Variants in CACNA2D3 observed in about 807,000 individuals in gnomAD.
CACNA2D3 encodes the protein calcium voltage-gated channel auxiliary subunit alpha2delta 3.
A neutral mutation model predicts 160.6 loss-of-function variants in CACNA2D3; 60 were observed. That is an observed-to-expected ratio of 0.37 (90% CI 0.30 to 0.46). The LOEUF is 0.46. CACNA2D3 is among the 20% of genes least tolerant of loss of function. CACNA2D3 has a pLI of 1.00. For synonymous variants in CACNA2D3, 558 were observed against 492.9 expected (o/e 1.13, Z -1.75); for missense variants, 1,205 against 1,365.0 (o/e 0.88, Z 1.85).
Position 54,891,398 on chromosome 3 carries a change from A to T in CACNA2D3, c.2194A>T (p.Thr732Ser). Residue 732 changes from threonine (T) to serine (S), a missense_variant, in exon 25 of 38, where the codon ACG becomes TCG. By Grantham distance (58) the Thr-to-Ser change is moderately conservative (BLOSUM62 1). Coordinates refer to ENST00000474759, the MANE Select transcript of CACNA2D3 (RefSeq NM_018398.3). ...GVEVAFLGTR[T>S]GLSRINLFVG... The stretch of plus-strand genomic sequence containing the variant: ...GGAGGTTGCCTTCCTCGGCACTCGC[A>T]CGGGCCTCTCCAGAATCAACCTGTT... 4.3e-6 allele frequency: 7 copies of T among 1,613,964 alleles called. No homozygotes were observed. Among genetic ancestry groups the T allele is most frequent in the Non-Finnish European group, 5.9e-6 (7 of 1,179,886 alleles).
intron 11 of CACNA2D3, among the ~76,000 whole-genome samples, chr3:54,713,655 G>A (rs750954098): frequency 6.6e-6 from 1 of 152,168 alleles, no homozygotes; most frequent in Admixed American, 6.5e-5. Context: ...TTCACACAAC[G>A]TAAGTGCTTG....
chr3:54,243,254 T>C (rs996941282), intron 2 of CACNA2D3, among the ~76,000 whole-genome samples: 1 of 152,186 alleles, frequency 6.6e-6, no homozygotes, highest in African/African-American at 2.4e-5. Context: ...AGACCCGCGA[T>C]TGCGTGGGCT....
At chr3:54,694,105 C>T (rs534659566) in intron 11 of CACNA2D3, among the ~76,000 whole-genome samples, 11 of 152,354 alleles carry the variant, frequency 7.2e-5, no homozygotes, top group African/African-American at 2.6e-4. Flanking sequence ...TCCAGTCCTG[C>T]AAGCTCCATT....
intron 13 of CACNA2D3, among the ~76,000 whole-genome samples, chr3:54,772,890 C>G (rs187282142): frequency 1.3e-5 from 2 of 152,288 alleles, no homozygotes; most frequent in East Asian, 1.9e-4. Context: ...GAACCAGTAT[C>G]AAACCAAGGA....
chr3:54,857,864 A>G (rs2106794674), intron 17 of CACNA2D3, among the ~76,000 whole-genome samples: 2 of 152,228 alleles, frequency 1.3e-5, no homozygotes, highest in East Asian at 3.9e-4. Flanking sequence ...TATTCCTAAC[A>G]CACCAGCCTG....
chr3:54,242,053 A>G (rs1009932426), intron 2 of CACNA2D3, among the ~76,000 whole-genome samples: 4 of 152,130 alleles, frequency 2.6e-5, no homozygotes, highest in African/African-American at 9.7e-5. Flanking sequence ...GTGTTTTCCT[A>G]TACATACATA....
rs908087274 is a variant in CACNA2D3 at position 54,715,510 on chromosome 3, G to T, written c.1168-37089G>T. Among the ~76,000 whole-genome samples, 39 of 150,984 alleles carry T rather than the reference G, an allele frequency of 2.6e-4. 1 individual carries two copies. The highest frequency in any genetic ancestry group is 4.4e-5 in the Non-Finnish European group (3 of 67,702). The stretch of plus-strand genomic sequence containing the variant: ...AGCTCCCTTCCCCTCCCCAGAATAT[G>T]GGGGGGGCAGGGGGAGGTAGAGAGG... On this transcript the variant is annotated intron_variant, in intron 11 of 37. Transcript: ENST00000474759.
At chr3:54,700,242 C>G (rs1575429528) in intron 11 of CACNA2D3, among the ~76,000 whole-genome samples, 1 of 152,186 alleles carries the variant, frequency 6.6e-6, no homozygotes, top group African/African-American at 2.4e-5. Flanking sequence ...TGGGTGAGTG[C>G]TAAGTAATCA....
chr3:54,301,921 T>C (rs1378826743), intron 2 of CACNA2D3, among the ~76,000 whole-genome samples: 1 of 152,158 alleles, frequency 6.6e-6, no homozygotes, highest in African/African-American at 2.4e-5. Flanking sequence ...GTAGATCTGA[T>C]GTACATTATA....
chr3:54,334,702 G>A (rs927495837), intron 3 of CACNA2D3, among the ~76,000 whole-genome samples: 83 of 152,220 alleles, frequency 5.5e-4, no homozygotes, highest in African/African-American at 2.0e-3. Context: ...AATCACACGA[G>A]TGACCTCAAA....
intron 2 of CACNA2D3, among the ~76,000 whole-genome samples, chr3:54,148,138 A>G (rs1262700753): frequency 6.6e-6 from 1 of 152,190 alleles, no homozygotes; most frequent in East Asian, 1.9e-4. Context: ...CGATGGCCCA[A>G]ACATGCTCCT....
At chr3:54,608,885 G>A (rs970501424) in intron 9 of CACNA2D3, among the ~76,000 whole-genome samples, 1 of 152,160 alleles carries the variant, frequency 6.6e-6, no homozygotes, top group Non-Finnish European at 1.5e-5. Context: ...ACCCCATGAC[G>A]TTGAAGCCAT....
At chr3:54,530,396 A>C (rs2106639842) in intron 5 of CACNA2D3, among the ~76,000 whole-genome samples, 1 of 152,292 alleles carries the variant, frequency 6.6e-6, no homozygotes, top group East Asian at 1.9e-4. Context: ...CCTGTGATTA[A>C]GTTGAGAGGG....
chr3:54,776,304 A>G (rs999727622), intron 13 of CACNA2D3, among the ~76,000 whole-genome samples: 1 of 152,128 alleles, frequency 6.6e-6, no homozygotes, highest in Non-Finnish European at 1.5e-5. Flanking sequence ...GCTTGAGCCT[A>G]GGAGTTGGAG....
chr3:54,874,812 G>A (rs1699620628), intron 18 of CACNA2D3: 1 of 152,182 alleles, frequency 6.6e-6, no homozygotes, highest in Non-Finnish European at 1.5e-5. Flanking sequence ...TTGAGTCCAG[G>A]AGTCCTTGAA....
At chr3:54,925,211 T>C (rs375838244) in intron 27 of CACNA2D3, 132 of 1,609,550 alleles carry the variant, frequency 8.2e-5, no homozygotes, top group Non-Finnish European at 1.0e-4. Flanking sequence ...ACAGGAGCAG[T>C]TCACCTACAA....
intron 2 of CACNA2D3, among the ~76,000 whole-genome samples, chr3:54,293,133 A>G (rs912648843): frequency 5.3e-5 from 8 of 152,244 alleles, no homozygotes; most frequent in Non-Finnish European, 1.0e-4. Flanking sequence ...GCGAATTCCT[A>G]GAGACAGAAA....
intron 35 of CACNA2D3, among the ~76,000 whole-genome samples, chr3:55,021,802 G>T (rs187444134): frequency 6.6e-6 from 1 of 150,610 alleles, no homozygotes; most frequent in Non-Finnish European, 1.5e-5. Context: ...TGCTTAAATC[G>T]TGTTTTAAAA....
At chr3:54,299,009 A>G (rs1703409657) in intron 2 of CACNA2D3, among the ~76,000 whole-genome samples, 1 of 151,374 alleles carries the variant, frequency 6.6e-6, no homozygotes, top group African/African-American at 2.4e-5. Context: ...ATGGGCTTTG[A>G]AATCTTCCAT....
Sources: allele counts gnomAD v4.1 joint callset (sites outside exome capture counted in the v4.1 genomes callset), GRCh38; gene constraint gnomAD v4.1.1; transcripts MANE v1.5; gene names NCBI Gene and HGNC (gene_info 2026-07-23, HGNC 2026-07-21).